Variants in SPHKAP observed in about 807,000 individuals in gnomAD.
The protein encoded by SPHKAP is A-kinase anchor protein SPHKAP.
SPHKAP carries 67 observed loss-of-function variants against 137.5 expected under a neutral mutation model. That is an observed-to-expected ratio of 0.49 (90% CI 0.40 to 0.60). The LOEUF is 0.60. SPHKAP is among the 20% of genes least tolerant of loss of function. The pLI is 0.00. For missense variants in SPHKAP, 2,097 were observed against 2,069.3 expected (o/e 1.01, Z -0.26); for synonymous variants, 813 against 785.3 (o/e 1.04, Z -0.59).
rs758477165 is a variant in SPHKAP, at chr2:228,018,893, G to A, written c.1961C>T (p.Ser654Phe). 3.1e-6 allele frequency: 5 copies of A among 1,614,188 alleles called. No individual in the cohort carries two copies. In the Admixed American group the frequency reaches 6.7e-5, roughly 22 times the overall value. Reference protein sequence around the residue: ...NRRIMETASKSQTLCSENVVR... With the variant: ...NRRIMETASKFQTLCSENVVR... ...GACATTTTCTGAGCACAGGGTCTGA[G>A]ACTTTGAAGCAGTTTCCATGATTCT... is the stretch of plus-strand genomic sequence containing the variant. The change falls in exon 7 of 12, where the codon TCT becomes TTT. Residue 654 changes from serine to phenylalanine, a missense_variant. Ser to Phe is a radical substitution (Grantham distance 155, BLOSUM62 -2). Transcript: ENST00000392056.
chr2:227,988,374 G>A (rs899308928), intron 11 of SPHKAP, among the ~76,000 whole-genome samples: 33 of 152,226 alleles, frequency 2.2e-4, no homozygotes, highest in African/African-American at 7.5e-4. Flanking sequence ...TATCCTTCTT[G>A]ATAACATTAG....
chr2:228,098,548 T>C (rs1482537875), intron 3 of SPHKAP, among the ~76,000 whole-genome samples: 1 of 149,826 alleles, frequency 6.7e-6, no homozygotes, highest in African/African-American at 2.5e-5. Flanking sequence ...CACTCATAGG[T>C]GGGAATTGAA....
chr2:228,046,096 A>G (rs1450032699), intron 3 of SPHKAP, among the ~76,000 whole-genome samples: 4 of 152,006 alleles, frequency 2.6e-5, no homozygotes, highest in Non-Finnish European at 5.9e-5. Context: ...ACACACACAT[A>G]CGGTAATTAT....
rs1231003342 is a variant in SPHKAP at position 228,002,898 on chromosome 2, G to C, written c.4449-7204C>G. On this transcript the variant is annotated intron_variant, in intron 7 of 11. Coordinates refer to ENST00000392056, the MANE Select transcript of SPHKAP (RefSeq NM_001142644.2). The stretch of plus-strand genomic sequence containing the variant: ...GTTGTAGATGTGTGGTATTATTTCT[G>C]AGGGCTCTGTTCTGTTCCATTCGTC... Among the ~76,000 whole-genome samples the C allele has an allele frequency of 2.6e-5, 4 of 152,286 alleles. No homozygotes were observed. In the East Asian group the frequency reaches 5.8e-4, roughly 22 times the overall value.
intron 1 of SPHKAP, among the ~76,000 whole-genome samples, chr2:228,175,383 ATG>A (rs1700709476): frequency 6.6e-6 from 1 of 152,224 alleles, no homozygotes; most frequent in South Asian, 2.1e-4. Context: ...AAAATAAAAT[ATG>A]TGATGATATT....
intron 7 of SPHKAP, among the ~76,000 whole-genome samples, chr2:228,012,499 C>T (rs975822141): frequency 6.6e-6 from 1 of 152,106 alleles, no homozygotes; most frequent in Non-Finnish European, 1.5e-5. Flanking sequence ...ATCTAAGTAG[C>T]CACTTTCCCT....
rs369782574 is a variant in SPHKAP at position 228,017,330 on chromosome 2, C to A, written c.3524G>T (p.Ser1175Ile). ...QQACRKSDHL[S>I]VRPSCPSKQS... ...CTTAGAGGGACAGCTAGGCCTCACA[C>A]TGAGGTGGTCACTTTTCCGGCACGC... The change falls in exon 7 of 12, where the codon AGT (serine) becomes ATT (isoleucine). Residue 1175 changes from serine (S) to isoleucine (I), a missense_variant. By Grantham distance (142) the Ser-to-Ile change is moderately radical. Coordinates refer to ENST00000392056, the MANE Select transcript of SPHKAP (RefSeq NM_001142644.2). The A allele has an allele frequency of 1.5e-5, 24 of 1,613,686 alleles. No homozygotes were observed. The South Asian group carries it at 2.6e-4, about 18-fold the overall frequency.
At chr2:228,009,172 C>A (rs1694263773) in intron 7 of SPHKAP, among the ~76,000 whole-genome samples, 1 of 152,160 alleles carries the variant, frequency 6.6e-6, no homozygotes, top group Admixed American at 6.5e-5. Context: ...TTTTCTCCTT[C>A]AGCATAGTAT....
In SPHKAP at chr2:228,021,873, G is replaced by T. The variant is rs747553444; in HGVS notation, c.535C>A (p.Leu179Met). 6.2e-7 allele frequency: 1 copy of T among 1,614,022 alleles called. No homozygotes were observed. Among genetic ancestry groups the T allele is most frequent in the Non-Finnish European group, 8.5e-7 (1 of 1,180,012 alleles). The change falls in exon 6 of 12, where the codon CTG becomes ATG. Residue 179 changes from leucine (L) to methionine (M), a missense_variant. Coordinates refer to ENST00000392056, the MANE Select transcript of SPHKAP (RefSeq NM_001142644.2). ...NCIIFEINKF[L>M]IGLELVQERQ... ...TCCTGCACCAGTTCCAGACCAATCAGAAATTTGTTGATTTCAAAGATGATG... is the reference window on the plus strand; with the variant it reads ...TCCTGCACCAGTTCCAGACCAATCATAAATTTGTTGATTTCAAAGATGATG...
intron 3 of SPHKAP, among the ~76,000 whole-genome samples, chr2:228,040,355 C>T (rs766190471): frequency 1.1e-4 from 16 of 152,102 alleles, no homozygotes; most frequent in Admixed American, 2.6e-4. Flanking sequence ...GGACCCTGGA[C>T]CAAAATTACC....
intron 7 of SPHKAP, among the ~76,000 whole-genome samples, chr2:228,011,934 G>A (rs1432584060): frequency 1.3e-5 from 2 of 152,064 alleles, no homozygotes; most frequent in African/African-American, 4.8e-5. Flanking sequence ...GGGAGGCTGA[G>A]GTGGCAGGAT....
intron 3 of SPHKAP, chr2:228,028,170 T>A (rs1176950388): frequency 3.9e-6 from 2 of 514,098 alleles, no homozygotes; most frequent in Non-Finnish European, 5.0e-6. Context: ...TGTTATCAGA[T>A]CTCATGAAAT....
At chr2:228,177,296 A>G (rs1252332088) in intron 1 of SPHKAP, among the ~76,000 whole-genome samples, 1 of 152,040 alleles carries the variant, frequency 6.6e-6, no homozygotes, top group Non-Finnish European at 1.5e-5. Context: ...TTGAGGCACC[A>G]GGACTTTCTA....
intron 7 of SPHKAP, among the ~76,000 whole-genome samples, chr2:227,997,680 CT>C (rs2106171864): frequency 6.6e-6 from 1 of 152,302 alleles, no homozygotes. Context: ...CTTTCTTAAT[CT>C]TTTTAGCTGG....
chr2:228,154,532 A>ATATTTTTTTTTTT, intron 1 of SPHKAP, among the ~76,000 whole-genome samples: 1 of 29,404 alleles, frequency 3.4e-5, no homozygotes, highest in South Asian at 1.9e-3. Flanking sequence ...ATATATATAT[A>ATATTTTTTTTTTT]TTTTTTTTTT....
chr2:228,115,077 GTC>G (rs1698662058), intron 2 of SPHKAP, among the ~76,000 whole-genome samples: 1 of 152,100 alleles, frequency 6.6e-6, no homozygotes, highest in Admixed American at 6.6e-5. Context: ...GAGAAGACAT[GTC>G]TCTCTTTTCC....
chr2:227,996,193 C>T (rs11883583), intron 7 of SPHKAP: 461,852 of 917,514 alleles, frequency 0.5, 117,536 homozygotes, highest in South Asian at 0.66. Context: ...AAAAGCAAGA[C>T]GCCTCTATAT....
chr2:228,159,871 G>A (rs1700224025), intron 1 of SPHKAP, among the ~76,000 whole-genome samples: 1 of 152,074 alleles, frequency 6.6e-6, no homozygotes, highest in African/African-American at 2.4e-5. Flanking sequence ...TTATGTAAGG[G>A]CATCTTTGCA....
chr2:228,003,561 C>T (rs1274745556), intron 7 of SPHKAP, among the ~76,000 whole-genome samples: 1 of 152,032 alleles, frequency 6.6e-6, no homozygotes, highest in African/African-American at 2.4e-5. Context: ...TATTTCTTTC[C>T]CCTGCCCGAT....
Sources: allele counts gnomAD v4.1 joint callset (sites outside exome capture counted in the v4.1 genomes callset), GRCh38; gene constraint gnomAD v4.1.1; transcripts MANE v1.5; gene names NCBI Gene and HGNC (gene_info 2026-07-23, HGNC 2026-07-21).